The following DCAF1 variants were observed in gnomAD, a reference collection of about 807,000 sequenced individuals.
DCAF1 encodes the protein DDB1 and CUL4 associated factor 1.
In DCAF1, 15 loss-of-function variants were observed where a neutral mutation model predicts 128.0. The observed-to-expected ratio is 0.12, with a 90% CI of 0.08 to 0.18. The LOEUF is 0.18. DCAF1 is among the 10% of genes least tolerant of loss of function. The probability of loss-of-function intolerance (pLI) is 1.00; values close to 1 mark genes in which losing one functional copy is unlikely to be tolerated. For missense variants in DCAF1, 988 were observed against 1,649.5 expected (o/e 0.60, Z 6.95); for synonymous variants, 610 against 603.0 (o/e 1.01, Z -0.17).
At chr3:51,423,375 G>A (rs1190374419) in intron 13 of DCAF1, among the ~76,000 whole-genome samples, 7 of 151,678 alleles carry the variant, frequency 4.6e-5, no homozygotes, top group Admixed American at 2.0e-4. Flanking sequence ...AGTGGCGGGC[G>A]CCTGTAGTCC....
At position 51,441,354 on chromosome 3, in the gene DCAF1, G is replaced by A; in HGVS notation, c.1026+31C>T. The stretch of plus-strand genomic sequence containing the variant: ...CAGAAATGAACACAATAATTCCTAT[G>A]TGTGAACAGTACTCTTCCCAATAAG... On this transcript the variant is annotated intron_variant, in intron 8 of 24. Coordinates refer to ENST00000684031, the MANE Select transcript of DCAF1 (RefSeq NM_001387579.1). 2.5e-6 allele frequency: 4 copies of A among 1,588,524 alleles called. No homozygotes were observed. The South Asian group carries it at 4.6e-5, about 18-fold the overall frequency.
At chr3:51,406,729 T>C (rs1357723517) in intron 23 of DCAF1, among the ~76,000 whole-genome samples, 3 of 152,128 alleles carry the variant, frequency 2.0e-5, no homozygotes, top group Non-Finnish European at 4.4e-5. Flanking sequence ...GGAAGCATGC[T>C]ACCCACTCCT....
chr3:51,466,949 G>C, intron 4 of DCAF1, 73 bp from the exon 5 acceptor site: 1 of 1,327,500 alleles, frequency 7.5e-7, no homozygotes, highest in East Asian at 2.3e-5. Context: ...TAGACCTCTG[G>C]AAAGGCACCT....
At chr3:51,480,390 T>A (rs1706029201) in intron 3 of DCAF1, among the ~76,000 whole-genome samples, 1 of 151,442 alleles carries the variant, frequency 6.6e-6, no homozygotes, top group African/African-American at 2.4e-5. Flanking sequence ...AGGTCAGGAG[T>A]TCGAGACCAG....
intron 18 of DCAF1, among the ~76,000 whole-genome samples, chr3:51,416,552 G>A (rs1553630416): frequency 6.6e-6 from 1 of 152,110 alleles, no homozygotes; most frequent in Non-Finnish European, 1.5e-5. Flanking sequence ...AACTTACTAA[G>A]AATTCAAAAA....
intron 20 of DCAF1, 34 bp from the exon 21 acceptor site, chr3:51,413,420 GAATCAC>G (rs747244858): frequency 8.3e-5 from 132 of 1,592,698 alleles, no homozygotes; most frequent in Non-Finnish European, 1.1e-4. Context: ...ACACTATTAG[GAATCAC>G]AAACATCCCC....
chr3:51,451,276 G>A (rs1043067668), intron 6 of DCAF1, among the ~76,000 whole-genome samples: 4 of 149,904 alleles, frequency 2.7e-5, no homozygotes, highest in Non-Finnish European at 5.9e-5. Context: ...TTTACAGATG[G>A]GGTCTCACCA....
intron 2 of DCAF1, among the ~76,000 whole-genome samples, chr3:51,495,766 T>C (rs538957279): frequency 1.3e-5 from 2 of 152,164 alleles, no homozygotes; most frequent in South Asian, 2.1e-4. Context: ...TAGTACTTAC[T>C]TCAATGTTCG....
At chr3:51,409,451 G>A (rs1553627729) in intron 23 of DCAF1, among the ~76,000 whole-genome samples, 1 of 152,146 alleles carries the variant, frequency 6.6e-6, no homozygotes, top group African/African-American at 2.4e-5. Flanking sequence ...CCAGGTGATG[G>A]TTCCCAGAGA....
chr3:51,483,754 A>G lies in DCAF1; in HGVS notation c.75T>C (p.His25=), dbSNP rs782524667. ...TAGGTACCATGTCCTGCCCACTGCC[A>G]TGTTCCTTTTCCCACTGCTCCAGCA... The part of the protein sequence containing the change: ...TTLLEQWEKE[H]GSGQDMVPIL... The change falls in exon 3 of 25, where the codon CAT becomes CAC. Residue 25 remains histidine, a synonymous_variant. Transcript: ENST00000684031. 6.2e-7 allele frequency: 1 copy of G among 1,613,820 alleles called. No homozygotes were observed. The highest frequency in any genetic ancestry group is 8.5e-7 in the Non-Finnish European group (1 of 1,179,874).
intron 24 of DCAF1, among the ~76,000 whole-genome samples, chr3:51,399,702 C>T (rs997555839): frequency 6.6e-6 from 1 of 152,242 alleles, no homozygotes; most frequent in Admixed American, 6.5e-5. Context: ...TGTAGGGACT[C>T]TAATATTCGC....
At chr3:51,455,535 G>C (rs1405307198) in intron 6 of DCAF1, among the ~76,000 whole-genome samples, 4 of 152,046 alleles carry the variant, frequency 2.6e-5, no homozygotes, top group African/African-American at 9.7e-5. Flanking sequence ...AAGCCCAGGA[G>C]GTCAAGGCTG....
intron 3 of DCAF1, among the ~76,000 whole-genome samples, chr3:51,483,372 G>A (rs1017570762): frequency 3.3e-5 from 5 of 151,054 alleles, no homozygotes; most frequent in Admixed American, 6.6e-5. Flanking sequence ...CCCAGGAGAC[G>A]GAGGTTGCAG....
intron 18 of DCAF1, 31 bp downstream of exon 18, chr3:51,416,756 A>C (rs1242106536): frequency 9.4e-6 from 15 of 1,590,040 alleles, no homozygotes; most frequent in Non-Finnish European, 1.3e-5. Context: ...GGGTATGATC[A>C]GCTTGAAAAC....
chr3:51,497,410 A>C (rs920293420), intron 1 of DCAF1, among the ~76,000 whole-genome samples: 1 of 151,884 alleles, frequency 6.6e-6, no homozygotes, highest in Non-Finnish European at 1.5e-5. Context: ...AACATGGTGA[A>C]ACCCCGTGTC....
chr3:51,458,220 T>A (rs1703138604), intron 6 of DCAF1, among the ~76,000 whole-genome samples: 1 of 151,948 alleles, frequency 6.6e-6, no homozygotes, highest in African/African-American at 2.4e-5. Context: ...TGGAGGAAGA[T>A]CTACCAAGCA....
chr3:51,412,970 G>T (rs1440294639), intron 22 of DCAF1, 23 bp downstream of exon 22: 1 of 1,613,222 alleles, frequency 6.2e-7, no homozygotes, highest in East Asian at 2.2e-5. Flanking sequence ...CAAAAGAGCA[G>T]GGCCTCTGCA....
rs571471887 is a variant in DCAF1, at chr3:51,398,791, A to G, written c.4502T>C (p.Ile1501Thr). The G allele has an allele frequency of 1.3e-6, 2 of 1,591,532 alleles. No individual in the cohort carries two copies. Among genetic ancestry groups the G allele is most frequent in the East Asian group, 2.3e-5 (1 of 44,324 alleles). The change falls in exon 25 of 25, where the codon ATC (isoleucine) becomes ACC (threonine). Residue 1501 changes from isoleucine to threonine, a missense_variant. By Grantham distance (89) the Ile-to-Thr change is moderately conservative (BLOSUM62 -1). Around this residue, in one of 11 missense-constraint regions of DCAF1, gnomAD observed 97 missense variants for 134.5 expected, o/e 0.72. Transcript: ENST00000684031. ...TCCTCACTCATTCAGAGATAAGATG[A>G]TGTCATCTTCCAAATCAGAGTTGTC... is the stretch of plus-strand genomic sequence containing the variant. ...SSDNSDLEDD[I>T]ILSLNE
intron 2 of DCAF1, among the ~76,000 whole-genome samples, 172 bp downstream of exon 2, chr3:51,496,562 T>C (rs937447532): frequency 1.3e-5 from 2 of 151,852 alleles, no homozygotes; most frequent in Non-Finnish European, 2.9e-5. Flanking sequence ...ATATCTAGTA[T>C]GGGACAGACA....
Sources: allele counts gnomAD v4.1 joint callset (sites outside exome capture counted in the v4.1 genomes callset), GRCh38; gene constraint gnomAD v4.1.1; regional missense constraint gnomAD v4.1.1; transcripts MANE v1.5; gene names NCBI Gene and HGNC (gene_info 2026-07-23, HGNC 2026-07-21).